The following IL16 variants were observed in gnomAD, a reference collection of about 807,000 sequenced individuals.
IL16 encodes the protein pro-interleukin-16.
Under a neutral mutation model 110.1 loss-of-function variants are expected in IL16, and 67 were observed. That is an observed-to-expected ratio of 0.61 (90% CI 0.50 to 0.75). The LOEUF is 0.75. Ranked by LOEUF, IL16 falls within the 30% of genes least tolerant of loss-of-function variation. The pLI is 0.00. For synonymous variants in IL16, 689 were observed against 662.9 expected (o/e 1.04, Z -0.61); for missense variants, 1,545 against 1,655.0 (o/e 0.93, Z 1.15).
rs779583555 is a variant in IL16 at position 81,308,776 on chromosome 15, C to A, written c.3977C>A (p.Thr1326Asn). The A allele has an allele frequency of 1.2e-6, 2 of 1,613,370 alleles. No homozygotes were observed. Among genetic ancestry groups the A allele is most frequent in the Non-Finnish European group, 1.7e-6 (2 of 1,179,816 alleles). Reference protein sequence around the residue: ...IRRKSLQSKETTAAGDS With the variant: ...IRRKSLQSKENTAAGDS Reference sequence around the variant, plus strand: ...AGAAAAAGCCTCCAGTCCAAGGAAACCACAGCTGCTGGAGACTCCTAGGCA... The same window carrying A: ...AGAAAAAGCCTCCAGTCCAAGGAAAACACAGCTGCTGGAGACTCCTAGGCA... Residue 1326 changes from threonine to asparagine, a missense_variant, in exon 19 of 19, where the codon ACC becomes AAC. Coordinates refer to ENST00000683961, the MANE Select transcript of IL16 (RefSeq NM_172217.5).
chr15:81,282,494 C>T, intron 8 of IL16, 145 bp from the exon 9 acceptor site: 1 of 682,328 alleles, frequency 1.5e-6, no homozygotes. Flanking sequence ...TAGAGCGGTG[C>T]CTGCACACAA....
intron 1 of IL16, among the ~76,000 whole-genome samples, chr15:81,199,030 A>AAAATATATATAT (rs1555411597): frequency 9.6e-6 from 1 of 104,200 alleles, no homozygotes; most frequent in Non-Finnish European, 1.7e-5. Context: ...AAAAAAAAAA[A>AAAATATATATAT]ATATATATAT....
chr15:81,240,527 A>C (rs1282132534), intron 2 of IL16, among the ~76,000 whole-genome samples: 1 of 152,150 alleles, frequency 6.6e-6, no homozygotes, highest in Non-Finnish European at 1.5e-5. Context: ...TGATAACATC[A>C]GATTTTAAAC....
chr15:81,281,825 G>A (rs1483247259), intron 8 of IL16, among the ~76,000 whole-genome samples: 1 of 152,208 alleles, frequency 6.6e-6, no homozygotes, highest in Non-Finnish European at 1.5e-5. Flanking sequence ...ATGGGCATCC[G>A]TTTCTTTCCA....
chr15:81,226,161 T>G (rs1896782600), intron 2 of IL16, among the ~76,000 whole-genome samples: 2 of 152,308 alleles, frequency 1.3e-5, no homozygotes, highest in South Asian at 4.1e-4. Flanking sequence ...GTGAGTTTGT[T>G]CCCTGAATGC....
chr15:81,214,018 C>T (rs1359006610), intron 1 of IL16, among the ~76,000 whole-genome samples: 1 of 116,572 alleles, frequency 8.6e-6, no homozygotes, highest in Non-Finnish European at 1.6e-5. Context: ...CTTAAGTGTG[C>T]ATTTTGTTTT....
In IL16 at chr15:81,196,945, C is replaced by T; in HGVS notation, c.-309C>T. Reference sequence around the variant, plus strand: ...TTGTGTCCTACTCACGGCATCTCAACTATCGGAGCCTGGGATCTGACTCAA... The same window carrying T: ...TTGTGTCCTACTCACGGCATCTCAATTATCGGAGCCTGGGATCTGACTCAA... On this transcript the variant is annotated 5_prime_UTR_variant, in exon 1 of 19. Coordinates refer to ENST00000683961, the MANE Select transcript of IL16 (RefSeq NM_172217.5). The T allele has an allele frequency of 1.6e-6, 2 of 1,260,156 alleles. No individual in the cohort carries two copies. The highest frequency in any genetic ancestry group is 1.1e-4 in the East Asian group (2 of 17,632). 78.1% of individuals were successfully genotyped at this position (1,260,156 alleles called of 1,614,324 possible).
intron 6 of IL16, among the ~76,000 whole-genome samples, chr15:81,277,040 AT>A (rs1369576523): frequency 6.6e-6 from 1 of 151,584 alleles, no homozygotes; most frequent in Non-Finnish European, 1.5e-5. Flanking sequence ...AAAAAAAAAA[AT>A]AAGTGGAAGT....
chr15:81,200,861 T>C (rs1895784618), intron 1 of IL16, among the ~76,000 whole-genome samples: 1 of 152,210 alleles, frequency 6.6e-6, no homozygotes, highest in South Asian at 2.1e-4. Context: ...ATCTGTCTTT[T>C]TTTCTGTACT....
chr15:81,258,773 C>CGCTCTCTCTCTCTCTATATA (rs1898046106), intron 2 of IL16, among the ~76,000 whole-genome samples: 2 of 149,704 alleles, frequency 1.3e-5, no homozygotes, highest in South Asian at 2.1e-4. Context: ...CTCTCTCTCT[C>CGCTCTCTCTCTCTCTATATA]TATATATATA....
In IL16 at chr15:81,299,910, C is replaced by T; in HGVS notation, c.2584C>T (p.Leu862=). Residue 862 remains leucine (L), a synonymous_variant, in exon 14 of 19, where the codon CTG becomes TTG. Coordinates refer to ENST00000683961, the MANE Select transcript of IL16 (RefSeq NM_172217.5). ...SQLPDKGAQR[L]SLQPSSGEAA... ...ACTGCCTGACAAAGGAGCCCAGAGA[C>T]TGAGCCTCCAGCCCTCCTCTGGGGA... The T allele has an allele frequency of 6.2e-7, 1 of 1,613,564 alleles. No individual in the cohort carries two copies. Among genetic ancestry groups the T allele is most frequent in the Non-Finnish European group, 8.5e-7 (1 of 1,180,020 alleles).
At chr15:81,297,158 C>G (rs1476310721) in intron 13 of IL16, 80 bp downstream of exon 13, 1 of 1,419,814 alleles carries the variant, frequency 7.0e-7, no homozygotes, top group Non-Finnish European at 9.6e-7. Context: ...ACAAATTGGC[C>G]TGAGGATCAG....
intron 11 of IL16, among the ~76,000 whole-genome samples, chr15:81,291,588 T>A (rs1490600917): frequency 6.6e-6 from 1 of 152,142 alleles, no homozygotes; most frequent in Non-Finnish European, 1.5e-5. Flanking sequence ...TAGATTTCAA[T>A]CCTCTCCCAC....
rs1283889051 is a variant in IL16, at chr15:81,310,857, T to C, written c.*2059T>C. The stretch of plus-strand genomic sequence containing the variant: ...TTGAGAGACCAGGCAAAGCAAGTGA[T>C]TGGGACAGAGGTTATCTGTCCCAGG... On this transcript the variant is annotated 3_prime_UTR_variant, in exon 19 of 19. Transcript: ENST00000683961. The C allele has an allele frequency of 1.3e-5, 2 of 152,266 alleles. No homozygotes were observed. Among genetic ancestry groups the C allele is most frequent in the Non-Finnish European group, 2.9e-5 (2 of 68,094 alleles). The allele number at this position is 152,266 out of a possible 1,614,324, so 9.4% of individuals were successfully genotyped here.
chr15:81,194,464 T>G (rs927457789), upstream of IL16, among the ~76,000 whole-genome samples: 7 of 151,382 alleles, frequency 4.6e-5, no homozygotes, highest in Admixed American at 2.6e-4. Flanking sequence ...AATTGTAATT[T>G]TAATTTTTAA....
At chr15:81,196,289 C>T (rs200929595), upstream of IL16, among the ~76,000 whole-genome samples, 5 of 152,210 alleles carry the variant, frequency 3.3e-5, no homozygotes, top group East Asian at 3.8e-4. Flanking sequence ...GGAAATTCCA[C>T]GGCACGTAGT....
intron 2 of IL16, among the ~76,000 whole-genome samples, chr15:81,256,332 CTT>C (rs386383603): frequency 1.3e-4 from 16 of 125,726 alleles, no homozygotes; most frequent in Non-Finnish European, 1.3e-4. Context: ...TCTTTACAAA[CTT>C]TTTTTTTTTT....
At chr15:81,294,715 C>T (rs1372484588) in intron 12 of IL16, among the ~76,000 whole-genome samples, 1 of 152,192 alleles carries the variant, frequency 6.6e-6, no homozygotes, top group Non-Finnish European at 1.5e-5. Flanking sequence ...CTCCCACAAA[C>T]ATTTCCATAA....
At chr15:81,255,694 C>T (rs1387008389) in intron 2 of IL16, among the ~76,000 whole-genome samples, 1 of 150,844 alleles carries the variant, frequency 6.6e-6, no homozygotes. Flanking sequence ...TGGATAAGGC[C>T]TTCTACAGCC....
Sources: gnomAD v4.1 joint callset for allele counts (sites outside exome capture counted in the v4.1 genomes callset) on GRCh38, gnomAD v4.1.1 for gene constraint, MANE v1.5 for transcripts, NCBI Gene and HGNC (gene_info 2026-07-23, HGNC 2026-07-21) for gene names.